Variants in CHST9 observed in about 807,000 individuals in gnomAD.
The protein encoded by CHST9 is GalNAc-4-sulfotransferase 2.
CHST9 carries 41 observed loss-of-function variants against 44.4 expected under a neutral mutation model. The ratio of observed to expected loss-of-function variants is 0.92; its 90% CI spans 0.72 to 1.20. The LOEUF is 1.20. Among genes scored for constraint, CHST9 ranks in the 50% most tolerant of loss-of-function variants. The pLI is 0.00. For synonymous variants in CHST9, 171 were observed against 178.4 expected (o/e 0.96, Z 0.33); for missense variants, 504 against 516.5 (o/e 0.98, Z 0.23).
chr18:27,119,889 T>C (rs1279198318), intron 2 of CHST9, among the ~76,000 whole-genome samples: 2 of 152,078 alleles, frequency 1.3e-5, no homozygotes, highest in African/African-American at 2.4e-5. Flanking sequence ...AACAGTAAAA[T>C]ATGGTCACTC....
At chr18:27,124,223 T>C (rs2058400352) in intron 2 of CHST9, among the ~76,000 whole-genome samples, 1 of 152,244 alleles carries the variant, frequency 6.6e-6, no homozygotes, top group Admixed American at 6.5e-5. Flanking sequence ...GAAGGCTCTT[T>C]ATCTTCTGGA....
chr18:26,914,121 A>T lies in CHST9; in HGVS notation c.*2138T>A, dbSNP rs918119996. The T allele has an allele frequency of 6.6e-6, 1 of 152,210 alleles. No individual in the cohort carries two copies. Among genetic ancestry groups the T allele is most frequent in the Non-Finnish European group, 1.5e-5 (1 of 68,036 alleles). The allele number at this position is 152,210 out of a possible 1,614,324, so 9.4% of individuals were successfully genotyped here. On this transcript the variant is annotated 3_prime_UTR_variant, in exon 6 of 6. Transcript: ENST00000618847. ...CAGCTTTCCGTAGAGAACACTGGGT[A>T]TCATTTTCTTCCACTCATCCCTCCT...
intron 2 of CHST9, among the ~76,000 whole-genome samples, chr18:27,132,925 C>G (rs571272060): frequency 6.6e-6 from 1 of 152,306 alleles, no homozygotes; most frequent in Non-Finnish European, 1.5e-5. Context: ...TTCAGCTGCT[C>G]TGGTCCACCT....
At chr18:27,094,066 G>A (rs540258974) in intron 2 of CHST9, among the ~76,000 whole-genome samples, 1 of 152,244 alleles carries the variant, frequency 6.6e-6, no homozygotes, top group South Asian at 2.1e-4. Context: ...TTCACAATGA[G>A]AGAATTAAAG....
chr18:27,075,343 CAA>C (rs1305398713), intron 2 of CHST9, among the ~76,000 whole-genome samples: 1 of 151,784 alleles, frequency 6.6e-6, no homozygotes, highest in East Asian at 1.9e-4. Context: ...CACACACACA[CAA>C]AGAGGGGGAC....
At chr18:26,969,374 CTCTGTGTGTGTGTGTGTG>C (rs1568114142) in intron 4 of CHST9, among the ~76,000 whole-genome samples, 1 of 149,216 alleles carries the variant, frequency 6.7e-6, no homozygotes, top group Admixed American at 6.6e-5. Flanking sequence ...CTCTCTCTCT[CTCTGTGTGTGTGTGTGTG>C]TGTGTGTGTG....
intron 5 of CHST9, among the ~76,000 whole-genome samples, chr18:26,929,523 C>T (rs775877540): frequency 6.6e-6 from 1 of 152,168 alleles, no homozygotes; most frequent in Non-Finnish European, 1.5e-5. Context: ...GCTTTCCCAA[C>T]TTCAGATTAA....
intron 1 of CHST9, among the ~76,000 whole-genome samples, chr18:27,173,792 T>C (rs1478899840): frequency 6.6e-6 from 1 of 152,012 alleles, no homozygotes; most frequent in Non-Finnish European, 1.5e-5. Context: ...ATAGCTAACT[T>C]AAAATCATAG....
At chr18:27,034,986 A>T (rs2057376501) in intron 3 of CHST9, among the ~76,000 whole-genome samples, 1 of 152,196 alleles carries the variant, frequency 6.6e-6, no homozygotes, top group African/African-American at 2.4e-5. Flanking sequence ...TCTCTTTGAG[A>T]TGCTGAATTC....
At chr18:26,947,925 C>A (rs1363642423) in intron 4 of CHST9, among the ~76,000 whole-genome samples, 1 of 152,184 alleles carries the variant, frequency 6.6e-6, no homozygotes, top group African/African-American at 2.4e-5. Flanking sequence ...ATAAATCATT[C>A]TACTATAAAG....
intron 2 of CHST9, among the ~76,000 whole-genome samples, chr18:27,050,322 TG>T (rs1417976217): frequency 6.6e-6 from 1 of 152,174 alleles, no homozygotes; most frequent in African/African-American, 2.4e-5. Context: ...ACTGTGTACC[TG>T]GGCAATGGTG....
At chr18:27,065,586 T>TC (rs1392166225) in intron 2 of CHST9, among the ~76,000 whole-genome samples, 2 of 90,962 alleles carry the variant, frequency 2.2e-5, no homozygotes, top group Non-Finnish European at 3.9e-5. Context: ...GTTCACTGCT[T>TC]TTTTTTTTTT....
intron 4 of CHST9, among the ~76,000 whole-genome samples, chr18:26,969,235 C>A (rs1211322281): frequency 3.9e-5 from 6 of 152,094 alleles, no homozygotes; most frequent in Non-Finnish European, 8.8e-5. Context: ...ATCTCCTGAC[C>A]TTGTGATCCA....
At chr18:27,074,206 A>G (rs541772133) in intron 2 of CHST9, among the ~76,000 whole-genome samples, 1 of 152,304 alleles carries the variant, frequency 6.6e-6, no homozygotes, top group East Asian at 1.9e-4. Flanking sequence ...CTTTCTCCCA[A>G]GGGATATGTT....
intron 1 of CHST9, among the ~76,000 whole-genome samples, chr18:27,181,140 T>C (rs949259793): frequency 3.3e-5 from 5 of 152,196 alleles, no homozygotes; most frequent in African/African-American, 1.2e-4. Context: ...TATCTGCTTT[T>C]CCCATCATAT....
intron 4 of CHST9, among the ~76,000 whole-genome samples, chr18:26,978,412 T>C (rs1046829995): frequency 1.3e-5 from 2 of 152,200 alleles, no homozygotes; most frequent in Admixed American, 1.3e-4. Flanking sequence ...GTTTATTAAG[T>C]ATTAATAATC....
In CHST9 at chr18:26,965,023, G is replaced by A. The variant is rs138641762; in HGVS notation, c.203-20657C>T. On this transcript the variant is annotated intron_variant, in intron 4 of 5. Transcript: ENST00000618847. ...TTCCTCTGCTTTAATGTCCAGAATCGTGATTTATTTCTTTCCTTCATTATT... is the reference window on the plus strand; with the variant it reads ...TTCCTCTGCTTTAATGTCCAGAATCATGATTTATTTCTTTCCTTCATTATT... 3.3e-3 allele frequency among the ~76,000 whole-genome samples: 504 copies of A among 152,300 alleles called. 2 individuals carry two copies. The highest frequency in any genetic ancestry group is 6.2e-3 in the Non-Finnish European group (422 of 68,012).
At chr18:26,967,539 TG>T (rs374175503) in intron 4 of CHST9, among the ~76,000 whole-genome samples, 1 of 152,312 alleles carries the variant, frequency 6.6e-6, no homozygotes, top group African/African-American at 2.4e-5. Context: ...AGATAACTAT[TG>T]TATGTGTTTA....
At chr18:26,957,933 C>T (rs2056347916) in intron 4 of CHST9, among the ~76,000 whole-genome samples, 1 of 151,888 alleles carries the variant, frequency 6.6e-6, no homozygotes, top group Non-Finnish European at 1.5e-5. Context: ...GTCATCCAGG[C>T]TGTAGTGCAG....
Sources: gnomAD v4.1 joint callset for allele counts (sites outside exome capture counted in the v4.1 genomes callset) on GRCh38, gnomAD v4.1.1 for gene constraint, MANE v1.5 for transcripts, NCBI Gene and HGNC (gene_info 2026-07-23, HGNC 2026-07-21) for gene names.